Variants in SLCO5A1 observed in about 807,000 individuals in gnomAD.
SLCO5A1 encodes solute carrier organic anion transporter family member 5A1.
Under a neutral mutation model 65.1 loss-of-function variants are expected in SLCO5A1, and 39 were observed. The observed-to-expected ratio is 0.60, with a 90% CI of 0.46 to 0.78. SLCO5A1 has a LOEUF of 0.78. Ranked by LOEUF, SLCO5A1 falls within the 30% of genes least tolerant of loss-of-function variation. SLCO5A1 has a pLI of 0.00. For missense variants in SLCO5A1, 1,029 were observed against 1,069.4 expected, an observed-to-expected ratio of 0.96 and a Z score of 0.53; for synonymous variants, 438 against 415.7, an observed-to-expected ratio of 1.05 and a Z score of -0.65.
intron 8 of SLCO5A1, among the ~76,000 whole-genome samples, chr8:69,677,548 GA>G (rs1813599338): frequency 6.6e-6 from 1 of 152,184 alleles, no homozygotes; most frequent in South Asian, 2.1e-4. Flanking sequence ...ACTTTCCCAA[GA>G]CCAGTGCCCT....
At chr8:69,703,943 G>C (rs551672094) in intron 6 of SLCO5A1, among the ~76,000 whole-genome samples, 4 of 152,272 alleles carry the variant, frequency 2.6e-5, no homozygotes, top group Admixed American at 1.3e-4. Context: ...TTATACAATG[G>C]TGTGTGACTT....
intron 8 of SLCO5A1, among the ~76,000 whole-genome samples, 185 bp downstream of exon 8, chr8:69,679,193 C>A (rs971013170): frequency 1.3e-5 from 2 of 152,182 alleles, no homozygotes; most frequent in Non-Finnish European, 2.9e-5. Flanking sequence ...ATGTTACAAC[C>A]TTTCTTTCCC....
At chr8:69,820,076 T>C (rs1038216961) in intron 2 of SLCO5A1, among the ~76,000 whole-genome samples, 2 of 152,236 alleles carry the variant, frequency 1.3e-5, no homozygotes, top group African/African-American at 4.8e-5. Flanking sequence ...TCCACCCTCC[T>C]CTCACCTGTC....
intron 2 of SLCO5A1, among the ~76,000 whole-genome samples, chr8:69,824,765 T>A (rs2130923764): frequency 6.6e-6 from 1 of 152,352 alleles, no homozygotes; most frequent in East Asian, 1.9e-4. Context: ...GAATCCTCCC[T>A]AACTCATTTT....
Position 69,679,551 on chromosome 8 carries a change from C to T in SLCO5A1, c.1851G>A (p.Gln617=). The change falls in exon 8 of 10, where the codon CAG becomes CAA. Residue 617 remains glutamine (Q), a synonymous_variant. Coordinates refer to ENST00000260126, the MANE Select transcript of SLCO5A1 (RefSeq NM_030958.3). ...CAATAACCACACGGAGCTGACTTCG[C>T]TGTCCCACGGTGGGTGGAGTGATCA... ...RQVITPPTVG[Q]RSQLRVVIVK... is the part of the protein sequence containing the mutation. 1.2e-6 allele frequency: 2 copies of T among 1,614,224 alleles called. No individual in the cohort carries two copies. Among genetic ancestry groups the T allele is most frequent in the African/African-American group, 1.3e-5 (1 of 75,062 alleles).
intron 2 of SLCO5A1, among the ~76,000 whole-genome samples, chr8:69,805,012 T>C (rs181130723): frequency 3.9e-5 from 6 of 152,192 alleles, no homozygotes; most frequent in African/African-American, 1.4e-4. Context: ...CTCCTTCCTC[T>C]TATCAGAGAA....
intron 2 of SLCO5A1, among the ~76,000 whole-genome samples, chr8:69,763,328 A>G (rs1259913596): frequency 1.3e-5 from 2 of 151,656 alleles, no homozygotes; most frequent in African/African-American, 4.8e-5. Flanking sequence ...AAAAAAAGAA[A>G]AACAGGCCAG....
chr8:69,829,966 T>C (rs567211874), intron 2 of SLCO5A1, among the ~76,000 whole-genome samples: 8 of 152,334 alleles, frequency 5.3e-5, no homozygotes, highest in African/African-American at 1.9e-4. Context: ...GTCTGTGTCG[T>C]GGGTATACTG....
chr8:69,692,711 G>T (rs900643699), intron 6 of SLCO5A1, among the ~76,000 whole-genome samples: 1 of 152,068 alleles, frequency 6.6e-6, no homozygotes, highest in Non-Finnish European at 1.5e-5. Context: ...ACAGGGTCAG[G>T]ATCATCAGTA....
chr8:69,678,068 G>A (rs149800504), intron 8 of SLCO5A1, among the ~76,000 whole-genome samples: 3 of 152,262 alleles, frequency 2.0e-5, no homozygotes, highest in East Asian at 1.9e-4. Flanking sequence ...ATGTATCAGC[G>A]TGGCAGGCCT....
chr8:69,739,570 G>T (rs113252506), intron 4 of SLCO5A1, among the ~76,000 whole-genome samples: 4,099 of 152,106 alleles, frequency 0.027, 177 homozygotes, highest in African/African-American at 0.091. Context: ...CCTAGAATTT[G>T]TATTAAAGCT....
At chr8:69,691,305 A>C (rs1814250062) in intron 6 of SLCO5A1, among the ~76,000 whole-genome samples, 1 of 152,222 alleles carries the variant, frequency 6.6e-6, no homozygotes, top group African/African-American at 2.4e-5. Flanking sequence ...AAAACTCATC[A>C]GATTTTTAAG....
rs986949935 is a variant in SLCO5A1 at position 69,668,586 on chromosome 8, G to A, written c.*4283C>T. 1 of 152,172 alleles carries A rather than the reference G, an allele frequency of 6.6e-6. No homozygotes were observed. Among genetic ancestry groups the A allele is most frequent in the Non-Finnish European group, 1.5e-5 (1 of 68,044 alleles). The allele number at this position is 152,172 out of a possible 1,614,324, so 9.4% of individuals were successfully genotyped here. On this transcript the variant is annotated 3_prime_UTR_variant, in exon 10 of 10. Coordinates refer to ENST00000260126, the MANE Select transcript of SLCO5A1 (RefSeq NM_030958.3). ...TGCCTCCTGCTCCTGGGTGCACTAG[G>A]GAATTCCCATCAATGCTTCAGCTCC...
chr8:69,686,064 TC>T (rs1448948804), intron 6 of SLCO5A1, among the ~76,000 whole-genome samples: 1 of 142,772 alleles, frequency 7.0e-6, no homozygotes, highest in African/African-American at 3.0e-5. Context: ...TAAACATACT[TC>T]TACTACATAC....
intron 2 of SLCO5A1, among the ~76,000 whole-genome samples, chr8:69,765,716 A>G (rs1337397399): frequency 6.6e-6 from 1 of 152,092 alleles, no homozygotes; most frequent in African/African-American, 2.4e-5. Flanking sequence ...CTACCATTCT[A>G]TCTTAAAACT....
chr8:69,687,205 T>C (rs1405043896), intron 6 of SLCO5A1, among the ~76,000 whole-genome samples: 1 of 152,186 alleles, frequency 6.6e-6, no homozygotes, highest in African/African-American at 2.4e-5. Context: ...TAGATGGAGA[T>C]CTAGTTTCAG....
intron 6 of SLCO5A1, among the ~76,000 whole-genome samples, chr8:69,692,556 G>C (rs1814314282): frequency 6.6e-6 from 1 of 152,132 alleles, no homozygotes; most frequent in Admixed American, 6.5e-5. Context: ...TTTTGTAATA[G>C]CACTTAGCTT....
chr8:69,817,148 C>T (rs1407660974), intron 2 of SLCO5A1, among the ~76,000 whole-genome samples: 2 of 152,108 alleles, frequency 1.3e-5, no homozygotes, highest in Non-Finnish European at 1.5e-5. Context: ...TAAAGAACAA[C>T]CCCCTCCCAA....
intron 5 of SLCO5A1, among the ~76,000 whole-genome samples, chr8:69,711,179 G>A (rs1815231997): frequency 1.3e-5 from 2 of 151,908 alleles, no homozygotes; most frequent in Admixed American, 1.3e-4. Context: ...AGAAAAGATG[G>A]GTTCTCCCGG....
Sources: allele counts gnomAD v4.1 joint callset (sites outside exome capture counted in the v4.1 genomes callset), GRCh38; gene constraint gnomAD v4.1.1; transcripts MANE v1.5; gene names NCBI Gene and HGNC (gene_info 2026-07-23, HGNC 2026-07-21).